The following CAMSAP1 variants were observed in gnomAD, a reference collection of about 807,000 sequenced individuals.
CAMSAP1 encodes the protein calmodulin-regulated spectrin-associated protein 1.
Under a neutral mutation model 143.5 loss-of-function variants are expected in CAMSAP1, and 58 were observed. The ratio of observed to expected loss-of-function variants is 0.40; its 90% CI spans 0.33 to 0.50. CAMSAP1 has a LOEUF of 0.50. CAMSAP1 is among the 20% of genes least tolerant of loss of function. The pLI, the probability that CAMSAP1 is intolerant of heterozygous loss-of-function variation, is 0.45. For missense variants in CAMSAP1, 1,969 were observed against 2,115.7 expected (o/e 0.93, Z 1.36); for synonymous variants, 945 against 859.3 (o/e 1.10, Z -1.74).
intron 1 of CAMSAP1, among the ~76,000 whole-genome samples, chr9:135,894,430 G>A (rs1838386372): frequency 6.6e-6 from 1 of 152,212 alleles, no homozygotes; most frequent in African/African-American, 2.4e-5. Flanking sequence ...CCACCCCTCA[G>A]AGGCAGGGGT....
At position 135,815,881 on chromosome 9, in the gene CAMSAP1, C is replaced by A. The variant is rs913342; in HGVS notation, c.4387+9G>T. 1 of 1,612,536 alleles carries A rather than the reference C, an allele frequency of 6.2e-7. No individual in the cohort carries two copies. Among genetic ancestry groups the A allele is most frequent in the Non-Finnish European group, 8.5e-7 (1 of 1,179,102 alleles). ...CACGATGACCTCTAAGGAGGGCGAA[C>A]GCCGTCACCTGTGTACTCGGCCACT... is the stretch of plus-strand genomic sequence containing the variant. On this transcript the variant is annotated intron_variant, in intron 15 of 16. Coordinates refer to ENST00000389532, the MANE Select transcript of CAMSAP1 (RefSeq NM_015447.4).
At chr9:135,838,606 C>G (rs906503142) in intron 7 of CAMSAP1, among the ~76,000 whole-genome samples, 5 of 148,770 alleles carry the variant, frequency 3.4e-5, no homozygotes, top group Admixed American at 2.0e-4. Context: ...TCTACCCGTT[C>G]TACAGACACA....
At chr9:135,881,188 A>T (rs938062023) in intron 3 of CAMSAP1, among the ~76,000 whole-genome samples, 20 of 151,714 alleles carry the variant, frequency 1.3e-4, no homozygotes, top group African/African-American at 3.9e-4. Flanking sequence ...ACTAAAAATT[A>T]AAAAAAATAA....
rs1033362260 is a variant in CAMSAP1, at chr9:135,849,868, TCA to T, written c.1045+267_1045+268del. 1.2e-4 allele frequency: 38 copies of T among 305,034 alleles called. No individual in the cohort carries two copies. In the Admixed American group the frequency reaches 1.3e-3, roughly 11 times the overall value. The allele number at this position is 305,034 out of a possible 1,614,324, so 18.9% of individuals were successfully genotyped here. On this transcript the variant is annotated intron_variant, in intron 7 of 16. Transcript: ENST00000389532. ...ATCTGTAGTAAACATTTTTTTTTTT[TCA>T]GTTTGTTCATTCTGGAGGTGAGAAC...
chr9:135,856,852 G>A (rs1346787382), intron 5 of CAMSAP1, among the ~76,000 whole-genome samples: 1 of 152,204 alleles, frequency 6.6e-6, no homozygotes, highest in African/African-American at 2.4e-5. Context: ...CTCCTGGTCT[G>A]TGCCTTTGTC....
chr9:135,850,998 T>G (rs748513967), intron 5 of CAMSAP1, among the ~76,000 whole-genome samples: 1 of 152,218 alleles, frequency 6.6e-6, no homozygotes, highest in African/African-American at 2.4e-5. Context: ...AGGTGGAGAC[T>G]GGTGGCTATA....
chr9:135,824,851 G>A lies in CAMSAP1; in HGVS notation c.1253C>T (p.Ser418Phe). Residue 418 changes from serine (S) to phenylalanine (F), a missense_variant, in exon 9 of 17, where the codon TCC (serine) becomes TTC (phenylalanine). By Grantham distance (155) the Ser-to-Phe change is radical. Around this residue, in one of 4 missense-constraint regions of CAMSAP1, gnomAD observed 1,390 missense variants for 1,420.8 expected, o/e 0.98. Transcript: ENST00000389532. The surrounding 1 kb of genome is among the most constrained non-coding windows in gnomAD (Gnocchi z 4.1). ...CTGTCTCAGTGGCAATAAAGGATGG[G>A]ATGGGCTGAAGGCAGCAGTTCCTTT... ...LGKGTAAFSP[S>F]HPLLPLRQKQ... The A allele has an allele frequency of 6.2e-7, 1 of 1,603,168 alleles. No individual in the cohort carries two copies. Among genetic ancestry groups the A allele is most frequent in the Non-Finnish European group, 8.5e-7 (1 of 1,174,784 alleles).
At position 135,820,749 on chromosome 9, in the gene CAMSAP1, G is replaced by A. The variant is rs995165203; in HGVS notation, c.3822+90C>T. The A allele has an allele frequency of 1.3e-5, 19 of 1,506,616 alleles. No homozygotes were observed. Among genetic ancestry groups the A allele is most frequent in the Admixed American group, 5.8e-5 (3 of 51,608 alleles). The allele number at this position is 1,506,616 out of a possible 1,614,324, so 93.3% of individuals were successfully genotyped here. On this transcript the variant is annotated intron_variant, in intron 11 of 16. Transcript: ENST00000389532. The surrounding 1 kb of genome is among the most constrained non-coding windows in gnomAD (Gnocchi z 4.4). ...GGCCTCTTACAGGAGCGGCTGGCCA[G>A]CCTGGTGCAGATCTGTGTTCTCTAA...
chr9:135,829,917 A>C (rs1348045778), intron 7 of CAMSAP1, among the ~76,000 whole-genome samples: 1 of 152,076 alleles, frequency 6.6e-6, no homozygotes, highest in African/African-American at 2.4e-5. Context: ...CAATTACATA[A>C]ATAGTTATGT....
chr9:135,881,587 G>A (rs746960673), intron 3 of CAMSAP1, 46 bp downstream of exon 3: 142 of 1,545,518 alleles, frequency 9.2e-5, no homozygotes, highest in Non-Finnish European at 1.1e-4. Context: ...AAAGGAGACC[G>A]GCCACAGAAG....
intron 16 of CAMSAP1, among the ~76,000 whole-genome samples, chr9:135,812,433 G>A (rs971523768): frequency 2.6e-5 from 4 of 152,140 alleles, no homozygotes; most frequent in Admixed American, 2.6e-4. Context: ...TAATTATGAT[G>A]CCAGTTATGT....
At chr9:135,846,682 C>CAAAAAAAAAAAAAAA (rs752714756) in intron 7 of CAMSAP1, among the ~76,000 whole-genome samples, 1 of 53,692 alleles carries the variant, frequency 1.9e-5, no homozygotes, top group Non-Finnish European at 4.3e-5. Context: ...ACAAATTTAC[C>CAAAAAAAAAAAAAAA]AAAAAAAAAA....
In CAMSAP1 at chr9:135,820,779, C is replaced by T; in HGVS notation, c.3822+60G>A. 1 of 1,574,674 alleles carries T rather than the reference C, an allele frequency of 6.4e-7. No homozygotes were observed. The highest frequency in any genetic ancestry group is 1.2e-5 in the South Asian group (1 of 86,896). On this transcript the variant is annotated intron_variant, in intron 11 of 16. Transcript: ENST00000389532. This position sits in a 1 kb window ranked among gnomAD's most constrained non-coding sequence, Gnocchi z 4.4. ...GTGCAGATCTGTGTTCTCTAACTCA[C>T]TATCACGTGGGGTGGCAACACATCA...
At chr9:135,838,063 TC>T (rs1460240100) in intron 7 of CAMSAP1, among the ~76,000 whole-genome samples, 4 of 150,530 alleles carry the variant, frequency 2.7e-5, no homozygotes, top group Non-Finnish European at 5.9e-5. Context: ...TCACGCACTT[TC>T]CACCCATTCT....
At position 135,907,068 on chromosome 9, in the gene CAMSAP1, C is replaced by A. The variant is rs1465103707; in HGVS notation, c.92G>T (p.Arg31Leu). 2 of 1,207,320 alleles carry A rather than the reference C, an allele frequency of 1.7e-6. No homozygotes were observed. The highest frequency in any genetic ancestry group is 2.1e-6 in the Non-Finnish European group (2 of 960,700). 74.8% of individuals were successfully genotyped at this position (1,207,320 alleles called of 1,614,324 possible). ...DGAADLVPLD[R>L]YDAARAKIAA... is the part of the protein sequence containing the mutation. ...GATCTTGGCGCGCGCCGCGTCGTAG[C>A]GGTCCAGGGGCACGAGGTCGGCGGC... The change falls in exon 1 of 17, where the codon CGC becomes CTC. Residue 31 changes from arginine (R) to leucine (L), a missense_variant. Around this residue, in one of 4 missense-constraint regions of CAMSAP1, gnomAD observed 215 missense variants for 196.2 expected, o/e 1.10. Coordinates refer to ENST00000389532, the MANE Select transcript of CAMSAP1 (RefSeq NM_015447.4).
At chr9:135,898,836 T>C (rs938515898) in intron 1 of CAMSAP1, among the ~76,000 whole-genome samples, 1 of 152,226 alleles carries the variant, frequency 6.6e-6, no homozygotes, top group Non-Finnish European at 1.5e-5. Flanking sequence ...TATCTTATTA[T>C]CACCCAGTAA....
chr9:135,837,514 GAC>G (rs1224797943), intron 7 of CAMSAP1, among the ~76,000 whole-genome samples: 41 of 148,494 alleles, frequency 2.8e-4, no homozygotes, highest in African/African-American at 9.8e-4. Context: ...CGGTTCTACA[GAC>G]ACACATCATC....
chr9:135,813,616 G>A (rs1377928607), intron 16 of CAMSAP1, among the ~76,000 whole-genome samples: 1 of 152,222 alleles, frequency 6.6e-6, no homozygotes, highest in Non-Finnish European at 1.5e-5. Flanking sequence ...ATGTGGCACA[G>A]CTGAGAGGGC....
In CAMSAP1 at chr9:135,811,261, C is replaced by T; in HGVS notation, c.*48G>A. ...ACCCTCTGGATGCCAGCCACAAGGG[C>T]ATCATTTACGAGTCTGGGTCACCCT... On this transcript the variant is annotated 3_prime_UTR_variant, in exon 17 of 17. Transcript: ENST00000389532. This position sits in a 1 kb window ranked among gnomAD's most constrained non-coding sequence, Gnocchi z 4.9. 3.8e-6 allele frequency: 6 copies of T among 1,576,048 alleles called. No homozygotes were observed. Among genetic ancestry groups the T allele is most frequent in the Non-Finnish European group, 5.2e-6 (6 of 1,158,270 alleles).
Sources: allele counts gnomAD v4.1 joint callset (sites outside exome capture counted in the v4.1 genomes callset), GRCh38; gene constraint gnomAD v4.1.1; regional missense constraint gnomAD v4.1.1; non-coding constraint Gnocchi (gnomAD v3.1); transcripts MANE v1.5; gene names NCBI Gene and HGNC (gene_info 2026-07-23, HGNC 2026-07-21).